Variants in SEC31A observed in about 807,000 individuals in gnomAD.
SEC31A encodes protein transport protein Sec31A.
SEC31A carries 70 observed loss-of-function variants against 151.0 expected under a neutral mutation model. That is an observed-to-expected ratio of 0.46 (90% CI 0.38 to 0.57). The LOEUF (loss-of-function observed/expected upper bound fraction) is 0.57. Among genes scored for constraint, SEC31A ranks in the 20% least tolerant of loss-of-function variants. The pLI is 0.00. For missense variants in SEC31A, 1,330 were observed against 1,471.2 expected (o/e 0.90, Z 1.57); for synonymous variants, 475 against 505.9 (o/e 0.94, Z 0.82).
At chr4:82,886,664 T>C (rs1740781317) in intron 1 of SEC31A, among the ~76,000 whole-genome samples, 1 of 152,218 alleles carries the variant, frequency 6.6e-6, no homozygotes, top group Admixed American at 6.5e-5. Context: ...TAATAATAAA[T>C]TCAAGTTCCA....
intron 23 of SEC31A, 98 bp downstream of exon 23, chr4:82,828,902 T>A (rs1371242614): frequency 2.3e-6 from 2 of 872,686 alleles, no homozygotes. Flanking sequence ...TCAGTAAGCT[T>A]CGCCTTTAAA....
chr4:82,862,448 AAC>A, intron 13 of SEC31A, 84 bp downstream of exon 13: 2 of 962,590 alleles, frequency 2.1e-6, no homozygotes, highest in South Asian at 2.8e-5. Context: ...TAAAGCATAA[AAC>A]ACAAATTTCT....
intron 16 of SEC31A, 61 bp downstream of exon 16, chr4:82,856,891 G>A: frequency 3.0e-6 from 4 of 1,328,626 alleles, no homozygotes; most frequent in Middle Eastern, 3.9e-4. Flanking sequence ...TATAATAACA[G>A]TGTATTGTTT....
At chr4:82,880,184 A>C (rs1014074556) in intron 3 of SEC31A, among the ~76,000 whole-genome samples, 1 of 149,888 alleles carries the variant, frequency 6.7e-6, no homozygotes, top group Non-Finnish European at 1.5e-5. Context: ...ACTCCATCTC[A>C]AAAAAAAAAC....
chr4:82,827,257 AG>A (rs1578119791), intron 24 of SEC31A, 111 bp downstream of exon 24: 11 of 1,222,508 alleles, frequency 9.0e-6, no homozygotes, highest in Non-Finnish European at 1.1e-5. Flanking sequence ...TTTTTTGTTT[AG>A]GTTGTCTAGA....
rs771867948 is a variant in SEC31A at position 82,851,647 on chromosome 4, T to C, written c.2155-43A>G. 21 of 1,501,034 alleles carry C rather than the reference T, an allele frequency of 1.4e-5. No homozygotes were observed. In the East Asian group the frequency reaches 3.5e-4, roughly 25 times the overall value. 93.0% of individuals were successfully genotyped at this position (1,501,034 alleles called of 1,614,324 possible). ...GTAACAAACAGAAATATCAAGACCA[T>C]GTATGAGAGGAAGCAGGAAAAGATC... On this transcript the variant is annotated intron_variant, in intron 18 of 26. Coordinates refer to ENST00000395310, the MANE Select transcript of SEC31A (RefSeq NM_001077207.4).
intron 22 of SEC31A, among the ~76,000 whole-genome samples, chr4:82,841,149 T>A (rs1449328256): frequency 6.6e-6 from 1 of 151,888 alleles, no homozygotes; most frequent in African/African-American, 2.4e-5. Context: ...TATGGCCAGA[T>A]GCAGTGGCTC....
At chr4:82,858,473 G>A (rs1367097820) in intron 14 of SEC31A, among the ~76,000 whole-genome samples, 1 of 148,338 alleles carries the variant, frequency 6.7e-6, no homozygotes, top group Admixed American at 6.7e-5. Context: ...GAACCCAGGA[G>A]GCGGAGGTTG....
chr4:82,846,278 C>T (rs1296912296), intron 20 of SEC31A, among the ~76,000 whole-genome samples: 1 of 151,690 alleles, frequency 6.6e-6, no homozygotes, highest in Non-Finnish European at 1.5e-5. Context: ...GCTGGGATTA[C>T]AGGCGTGAGC....
At chr4:82,839,789 T>C (rs574984822) in intron 22 of SEC31A, among the ~76,000 whole-genome samples, 17 of 152,364 alleles carry the variant, frequency 1.1e-4, no homozygotes, top group African/African-American at 4.1e-4. Flanking sequence ...AAGTGTTGTC[T>C]GGCTTCCTCT....
chr4:82,889,954 G>A (rs1741920869), intron 1 of SEC31A, among the ~76,000 whole-genome samples: 1 of 152,048 alleles, frequency 6.6e-6, no homozygotes, highest in Admixed American at 6.6e-5. Flanking sequence ...TAGGCTGGGC[G>A]TGGTGGCTTA....
intron 16 of SEC31A, among the ~76,000 whole-genome samples, 160 bp downstream of exon 16, chr4:82,856,792 T>G (rs1732785802): frequency 6.6e-6 from 1 of 152,036 alleles, no homozygotes; most frequent in Admixed American, 6.6e-5. Flanking sequence ...ACTAGAATAA[T>G]CATGCCAAAA....
Position 82,854,890 on chromosome 4 carries a change from G to C in SEC31A, c.2008+13C>G, listed in dbSNP as rs1732299857. On this transcript the variant is annotated intron_variant, in intron 17 of 26. Coordinates refer to ENST00000395310, the MANE Select transcript of SEC31A (RefSeq NM_001077207.4). ...GTATGTAAATGCAGTTAAATATAAA[G>C]CACATCTCTTACCACAAAGGGCTGA... 6.2e-7 allele frequency: 1 copy of C among 1,608,268 alleles called. No individual in the cohort carries two copies. The highest frequency in any genetic ancestry group is 1.3e-5 in the African/African-American group (1 of 74,584).
chr4:82,873,844 T>C (rs1737315506), intron 6 of SEC31A, among the ~76,000 whole-genome samples: 1 of 152,218 alleles, frequency 6.6e-6, no homozygotes, highest in Non-Finnish European at 1.5e-5. Context: ...CAGAATTTAA[T>C]GTGCTCTATG....
chr4:82,852,130 A>T (rs994132706), intron 18 of SEC31A, among the ~76,000 whole-genome samples: 17 of 152,162 alleles, frequency 1.1e-4, no homozygotes, highest in African/African-American at 3.9e-4. Context: ...TATAAAGGGC[A>T]GTTCCCCTGC....
In SEC31A at chr4:82,848,951, T is replaced by C. The variant is rs1730818354; in HGVS notation, c.2355A>G (p.Arg785=). 3 of 1,613,404 alleles carry C rather than the reference T, an allele frequency of 1.9e-6. No homozygotes were observed. Among genetic ancestry groups the C allele is most frequent in the Non-Finnish European group, 2.5e-6 (3 of 1,179,812 alleles). ...NQPNIMQLRD[R]LCRAQGEPVA... is the part of the protein sequence containing the mutation. ...CAGGCTCTCCTTGTGCTCTACAAAG[T>C]CTGTCACGAAGCTGCATGATATTTG... is the stretch of plus-strand genomic sequence containing the variant. Residue 785 remains arginine (R), a synonymous_variant, in exon 20 of 27, where the codon AGA becomes AGG. Transcript: ENST00000395310.
At chr4:82,898,920 C>A (rs1720174611) in intron 3 of SEC31A, among the ~76,000 whole-genome samples, 1 of 151,840 alleles carries the variant, frequency 6.6e-6, no homozygotes, top group African/African-American at 2.4e-5. Flanking sequence ...AAAACTTGTA[C>A]ACAAATGTTC....
At chr4:82,821,424 T>G (rs1723292455) in intron 25 of SEC31A, 3 of 229,890 alleles carry the variant, frequency 1.3e-5, no homozygotes, top group Non-Finnish European at 2.5e-5. Context: ...GGCAGGCGCC[T>G]GTAATCCCAG....
intron 20 of SEC31A, chr4:82,845,264 C>G (rs1454471766): frequency 6.5e-7 from 1 of 1,532,128 alleles, no homozygotes; most frequent in Non-Finnish European, 8.7e-7. Flanking sequence ...TTTTGTTACT[C>G]CAGGTAGTGA....
Sources: allele counts gnomAD v4.1 joint callset (sites outside exome capture counted in the v4.1 genomes callset), GRCh38; gene constraint gnomAD v4.1.1; transcripts MANE v1.5; gene names NCBI Gene and HGNC (gene_info 2026-07-23, HGNC 2026-07-21).